The following PCDHGA8 variants were observed in gnomAD, a reference collection of about 807,000 sequenced individuals.
The protein encoded by PCDHGA8 is protocadherin gamma subfamily A, 8.
In PCDHGA8, 45 loss-of-function variants were observed where a neutral mutation model predicts 59.2. The observed-to-expected ratio is 0.76, with a 90% CI of 0.60 to 0.98. The LOEUF (loss-of-function observed/expected upper bound fraction) is 0.98, where lower values mean the gene tolerates loss of function less well. PCDHGA8 is among the 50% of genes least tolerant of loss of function. The probability of loss-of-function intolerance (pLI) is 0.00; values close to 1 mark genes in which losing one functional copy is unlikely to be tolerated. For missense variants in PCDHGA8, 1,257 were observed against 1,196.2 expected (o/e 1.05, Z -0.75); for synonymous variants, 531 against 519.0 (o/e 1.02, Z -0.32).
chr5:141,510,400 TA>T (rs780031896), intron 3 of PCDHGA8, among the ~76,000 whole-genome samples: 12 of 151,920 alleles, frequency 7.9e-5, no homozygotes, highest in Non-Finnish European at 1.3e-4. Flanking sequence ...TGGCAAAGGC[TA>T]GGGGCATGTA....
chr5:141,403,442 G>A, intron 1 of PCDHGA8: 2 of 1,614,024 alleles, frequency 1.2e-6, no homozygotes, highest in Admixed American at 1.7e-5. Flanking sequence ...GGATGTTGGC[G>A]TGAACTCCCT....
At chr5:141,405,560 G>A in intron 1 of PCDHGA8, 1 of 613,636 alleles carries the variant, frequency 1.6e-6, no homozygotes, top group Non-Finnish European at 2.9e-6. Context: ...GAGTAGCTGG[G>A]ACTAGAGTAG....
chr5:141,484,941 C>T (rs2099604065), intron 1 of PCDHGA8: 2 of 543,888 alleles, frequency 3.7e-6, no homozygotes, highest in East Asian at 6.3e-5. Context: ...ACGTTCTCTG[C>T]TCAGCCTATT....
intron 1 of PCDHGA8, among the ~76,000 whole-genome samples, chr5:141,401,895 TC>T (rs2094205697): frequency 6.6e-6 from 1 of 152,224 alleles, no homozygotes; most frequent in Non-Finnish European, 1.5e-5. Context: ...GTGTTCTTTT[TC>T]CCAAATTATT....
At chr5:141,405,672 G>C (rs755545370) in intron 1 of PCDHGA8, among the ~76,000 whole-genome samples, 3 of 152,024 alleles carry the variant, frequency 2.0e-5, no homozygotes, top group Non-Finnish European at 4.4e-5. Flanking sequence ...GAGACGGGGT[G>C]TCACCATGTT....
intron 1 of PCDHGA8, chr5:141,395,542 TTG>T (rs55729045): frequency 0.047 from 8,055 of 172,168 alleles, 192 homozygotes; most frequent in African/African-American, 0.072. Flanking sequence ...TTGCTATTGT[TTG>T]TGTGTGTGTG....
chr5:141,395,380 T>A, intron 1 of PCDHGA8, 143 bp downstream of exon 1: 2 of 1,112,040 alleles, frequency 1.8e-6, no homozygotes, highest in Non-Finnish European at 2.5e-6. Flanking sequence ...GTGGTGTTAC[T>A]ATAAAATTGA....
chr5:141,399,605 A>G, intron 1 of PCDHGA8: 1 of 1,613,968 alleles, frequency 6.2e-7, no homozygotes, highest in Non-Finnish European at 8.5e-7. Context: ...AGCGACCTAG[A>G]GCCTCTGGCA....
At chr5:141,430,729 G>T in intron 1 of PCDHGA8, 1 of 1,499,360 alleles carries the variant, frequency 6.7e-7, no homozygotes, top group East Asian at 2.3e-5. Flanking sequence ...GTTAAGGGCA[G>T]AATTGAAAAT....
chr5:141,409,486 C>T, intron 1 of PCDHGA8: 1 of 1,613,992 alleles, frequency 6.2e-7, no homozygotes, highest in Non-Finnish European at 8.5e-7. Context: ...CTGACAGGGG[C>T]AAGCCGCCTC....
rs138463062 is a variant in PCDHGA8 at position 141,485,217 on chromosome 5, C to T, written c.2425-9590C>T. 7,893 of 1,614,092 alleles carry T rather than the reference C, an allele frequency of 4.9e-3. 42 individuals carry two copies. Among genetic ancestry groups the T allele is most frequent in the Admixed American group, 8.8e-3 (531 of 60,030 alleles). On this transcript the variant is annotated intron_variant, in intron 1 of 3. Coordinates refer to ENST00000398604, the MANE Select transcript of PCDHGA8 (RefSeq NM_032088.2). This position sits in a 1 kb window ranked among gnomAD's most constrained non-coding sequence, Gnocchi z 5.7. Reference sequence around the variant, plus strand: ...AGCTGGACAGAAATCTGGCGGTGGGCTACCCTTTTGTTCCTCTTTTACCAC... The same window carrying T: ...AGCTGGACAGAAATCTGGCGGTGGGTTACCCTTTTGTTCCTCTTTTACCAC...
intron 1 of PCDHGA8, chr5:141,398,210 C>T (rs755562930): frequency 1.3e-6 from 2 of 1,483,862 alleles, no homozygotes; most frequent in South Asian, 1.3e-5. Flanking sequence ...TTCTGCCCGG[C>T]GCTCTGTGAG....
chr5:141,463,388 C>T (rs1470533734), intron 1 of PCDHGA8, among the ~76,000 whole-genome samples: 1 of 150,092 alleles, frequency 6.7e-6, no homozygotes, highest in Non-Finnish European at 1.5e-5. Flanking sequence ...AAAGTTGTCT[C>T]CAGGCAAAAA....
intron 1 of PCDHGA8, chr5:141,400,189 CT>C (rs770137840): frequency 5.6e-6 from 9 of 1,614,056 alleles, no homozygotes; most frequent in Non-Finnish European, 7.6e-6. Context: ...GCAGTTTTAC[CT>C]AGTGGTGGCC....
chr5:141,404,004 C>G (rs1219625288), intron 1 of PCDHGA8: 33 of 1,613,842 alleles, frequency 2.0e-5, no homozygotes, highest in Non-Finnish European at 2.8e-5. Flanking sequence ...ACCATTACAT[C>G]TCTGTTTAGC....
In PCDHGA8 at chr5:141,490,823, A is replaced by T. The variant is rs1340589166; in HGVS notation, c.2425-3984A>T. ...CGTACCTTTGACTATGAATTGCTGC[A>T]GATGCTGCAGATTGTGGTGGGGGTT... On this transcript the variant is annotated intron_variant, in intron 1 of 3. Transcript: ENST00000398604. This position sits in a 1 kb window ranked among gnomAD's most constrained non-coding sequence, Gnocchi z 5.4. 13 of 1,613,928 alleles carry T rather than the reference A, an allele frequency of 8.1e-6. No individual in the cohort carries two copies. Among genetic ancestry groups the T allele is most frequent in the Non-Finnish European group, 9.3e-6 (11 of 1,179,864 alleles).
chr5:141,421,102 T>G, intron 1 of PCDHGA8: 1 of 691,404 alleles, frequency 1.4e-6, no homozygotes, highest in Non-Finnish European at 2.4e-6. Flanking sequence ...CACTGGAGAC[T>G]TAGAAGTATT....
chr5:141,453,559 C>T (rs2098769120), intron 1 of PCDHGA8, among the ~76,000 whole-genome samples: 1 of 152,126 alleles, frequency 6.6e-6, no homozygotes, highest in Non-Finnish European at 1.5e-5. Context: ...TGTAGATAAT[C>T]GATTTCATTA....
chr5:141,498,940 A>G (rs527366029), intron 2 of PCDHGA8, among the ~76,000 whole-genome samples: 57 of 140,142 alleles, frequency 4.1e-4, no homozygotes, highest in Non-Finnish European at 7.3e-4. Flanking sequence ...CAGGAAAGAA[A>G]GAAAGAAAAA....
Sources: allele counts gnomAD v4.1 joint callset (sites outside exome capture counted in the v4.1 genomes callset), GRCh38; gene constraint gnomAD v4.1.1; non-coding constraint Gnocchi (gnomAD v3.1); transcripts MANE v1.5; gene names NCBI Gene and HGNC (gene_info 2026-07-23, HGNC 2026-07-21).